Variants in ZNF28 observed in about 807,000 individuals in gnomAD.
ZNF28 encodes zinc finger protein KOX24.
Under a neutral mutation model 7.2 loss-of-function variants are expected in ZNF28, and 5 were observed. The ratio of observed to expected loss-of-function variants is 0.70; its 90% CI spans 0.36 to 1.46. The LOEUF (loss-of-function observed/expected upper bound fraction) is 1.46. Among genes scored for constraint, ZNF28 ranks in the 40% most tolerant of loss-of-function variants. The probability of loss-of-function intolerance (pLI) is 0.03; values close to 1 mark genes in which losing one functional copy is unlikely to be tolerated. For missense variants in ZNF28, 879 were observed against 866.6 expected (o/e 1.01, Z -0.18); for synonymous variants, 288 against 292.4 (o/e 0.99, Z 0.15).
intron 3 of ZNF28, among the ~76,000 whole-genome samples, chr19:52,802,592 G>A (rs1397294985): frequency 6.6e-6 from 1 of 151,524 alleles, no homozygotes; most frequent in Non-Finnish European, 1.5e-5. Context: ...CAGGATAATC[G>A]CTTGAACTTG....
rs1486653702 is a variant in ZNF28, at chr19:52,817,962, T to C, written c.-4A>G. The stretch of plus-strand genomic sequence containing the variant: ...ATCTCACCTGAGGAAGAGCCATCCC[T>C]GACTCCTTTGCTTTCCTCTTCCTCT... On this transcript the variant is annotated 5_prime_UTR_variant, in exon 2 of 4. Coordinates refer to ENST00000457749, the MANE Select transcript of ZNF28 (RefSeq NM_006969.5). 6 of 1,611,062 alleles carry C rather than the reference T, an allele frequency of 3.7e-6. No individual in the cohort carries two copies. The South Asian group carries it at 4.4e-5, about 12-fold the overall frequency.
intron 2 of ZNF28, 122 bp from the exon 3 acceptor site, chr19:52,808,255 C>G: frequency 1.3e-6 from 2 of 1,507,800 alleles, no homozygotes; most frequent in Non-Finnish European, 8.9e-7. Flanking sequence ...ATCCGAGTGA[C>G]GGATTTTTCA....
rs144687950 is a variant in ZNF28 at position 52,801,073 on chromosome 19, G to A, written c.772C>T (p.Leu258Phe). ...ATGTGAGATCTACGATGGCATGCAA[G>A]GTATCGCTTCTGATTAAATACCTTG... ...YGKVFNQKRY[L>F]ACHRRSHIDE... Residue 258 changes from leucine (L) to phenylalanine (F), a missense_variant, in exon 4 of 4, where the codon CTT becomes TTT. Leu to Phe is a conservative substitution (Grantham distance 22, BLOSUM62 0). Around this residue, in one of 2 missense-constraint regions of ZNF28, gnomAD observed 864 missense variants for 830.2 expected, o/e 1.04. Coordinates refer to ENST00000457749, the MANE Select transcript of ZNF28 (RefSeq NM_006969.5). 64 of 1,614,090 alleles carry A rather than the reference G, an allele frequency of 4.0e-5. No individual in the cohort carries two copies. In the African/African-American group the frequency reaches 7.3e-4, roughly 18 times the overall value.
chr19:52,803,893 G>T (rs1019725608), intron 3 of ZNF28, among the ~76,000 whole-genome samples: 6 of 152,064 alleles, frequency 3.9e-5, no homozygotes, highest in Non-Finnish European at 7.4e-5. Context: ...GAAGGTGAAG[G>T]TTGCAGTGAG....
In ZNF28 at chr19:52,801,389, G is replaced by C; in HGVS notation, c.456C>G (p.His152Gln). The C allele has an allele frequency of 6.2e-7, 1 of 1,614,180 alleles. No individual in the cohort carries two copies. Among genetic ancestry groups the C allele is most frequent in the Non-Finnish European group, 8.5e-7 (1 of 1,180,030 alleles). Residue 152 changes from histidine to glutamine, a missense_variant, in exon 4 of 4, where the codon CAC becomes CAG. This residue lies in a region of ZNF28 where 864 missense variants were observed against 830.2 expected (regional missense o/e 1.04). Coordinates refer to ENST00000457749, the MANE Select transcript of ZNF28 (RefSeq NM_006969.5). ...CAATTTTCCCTTCAGGCTGAAATAT[G>C]TGCAGTTCAGGCAGATGCGAATGAA... ...LSFHSHLPELHIFQPEGKIGN... is the reference protein window; with the variant it reads ...LSFHSHLPELQIFQPEGKIGN...
chr19:52,810,668 G>A, intron 2 of ZNF28: 3 of 990,502 alleles, frequency 3.0e-6, no homozygotes, highest in Non-Finnish European at 1.6e-6. Context: ...CGCGTCTACA[G>A]GGGCCGGGCT....
intron 2 of ZNF28, chr19:52,809,896 G>A (rs990208690): frequency 9.5e-5 from 77 of 810,170 alleles, no homozygotes; most frequent in East Asian, 4.3e-4. Flanking sequence ...AGGCCGGGGC[G>A]GCGCCATCTT....
intron 2 of ZNF28, among the ~76,000 whole-genome samples, chr19:52,811,222 G>A (rs574031361): frequency 1.6e-4 from 24 of 151,366 alleles, no homozygotes; most frequent in Middle Eastern, 3.4e-3. Context: ...GGAGTGCAGC[G>A]GCGTGATCTC....
chr19:52,810,253 G>T, intron 2 of ZNF28: 2 of 1,298,884 alleles, frequency 1.5e-6, no homozygotes, highest in African/African-American at 1.4e-5. Context: ...CTACCTCCAG[G>T]CAATGCTGGC....
At chr19:52,802,862 G>A (rs535858282) in intron 3 of ZNF28, among the ~76,000 whole-genome samples, 1 of 147,018 alleles carries the variant, frequency 6.8e-6, no homozygotes, top group East Asian at 2.0e-4. Context: ...CCGGGTTCAC[G>A]CCATTCTCCT....
intron 2 of ZNF28, chr19:52,810,256 A>G (rs2063001595): frequency 3.0e-6 from 4 of 1,322,676 alleles, no homozygotes; most frequent in Middle Eastern, 2.5e-4. Context: ...CCTCCAGGCA[A>G]TGCTGGCCCA....
intron 2 of ZNF28, among the ~76,000 whole-genome samples, chr19:52,812,762 TAAAAAAAAAAAAA>T (rs56944474): frequency 1.3e-5 from 1 of 75,400 alleles, no homozygotes. Context: ...GAATGATCAA[TAAAAAAAAAAAAA>T]AAAAAAAAAA....
chr19:52,819,790 T>G (rs199560504), intron 1 of ZNF28, among the ~76,000 whole-genome samples: 1 of 140,836 alleles, frequency 7.1e-6, no homozygotes, highest in African/African-American at 2.9e-5. Flanking sequence ...CTGATGAAAT[T>G]GACTCCCAAC....
At chr19:52,811,226 T>C (rs1445093486) in intron 2 of ZNF28, among the ~76,000 whole-genome samples, 1 of 151,194 alleles carries the variant, frequency 6.6e-6, no homozygotes, top group Non-Finnish European at 1.5e-5. Context: ...TGCAGCGGCG[T>C]GATCTCGGCT....
intron 2 of ZNF28, among the ~76,000 whole-genome samples, chr19:52,811,036 C>G (rs1003313570): frequency 8.1e-5 from 12 of 148,504 alleles, no homozygotes; most frequent in African/African-American, 1.7e-4. Context: ...ATTGCAGGCA[C>G]GCGCCGCCAC....
Position 52,810,002 on chromosome 19 carries a change from G to T in ZNF28, c.16-1869C>A, listed in dbSNP as rs2062996653. On this transcript the variant is annotated intron_variant, in intron 2 of 3. Coordinates refer to ENST00000457749, the MANE Select transcript of ZNF28 (RefSeq NM_006969.5). ...AGTCTGAGGAACTGGAGCCTGAGGA[G>T]CTGCTGTTGGAGCCGGAGCCCGAAG... is the stretch of plus-strand genomic sequence containing the variant. 28 of 760,468 alleles carry T rather than the reference G, an allele frequency of 3.7e-5. No individual in the cohort carries two copies. The Admixed American group carries it at 5.6e-4, about 15-fold the overall frequency. The allele number at this position is 760,468 out of a possible 1,614,324, so 47.1% of individuals were successfully genotyped here.
intron 2 of ZNF28, among the ~76,000 whole-genome samples, chr19:52,811,461 C>G (rs1310605868): frequency 6.9e-6 from 1 of 145,642 alleles, no homozygotes; most frequent in Non-Finnish European, 1.5e-5. Flanking sequence ...GCCTCTTCCC[C>G]GCCGCCATCC....
At chr19:52,810,494 C>T in intron 2 of ZNF28, 1 of 1,585,566 alleles carries the variant, frequency 6.3e-7, no homozygotes. Flanking sequence ...GGATGAGTCC[C>T]TATTTAGAGG....
chr19:52,807,672 T>A (rs1333534416), intron 3 of ZNF28, among the ~76,000 whole-genome samples: 2 of 152,184 alleles, frequency 1.3e-5, no homozygotes, highest in Admixed American at 6.6e-5. Context: ...ACAGGGTTTC[T>A]GCATGTTGGC....
Sources: allele counts gnomAD v4.1 joint callset (sites outside exome capture counted in the v4.1 genomes callset), GRCh38; gene constraint gnomAD v4.1.1; regional missense constraint gnomAD v4.1.1; transcripts MANE v1.5; gene names NCBI Gene and HGNC (gene_info 2026-07-23, HGNC 2026-07-21).